Variants in NUP214 observed in about 807,000 individuals in gnomAD.
NUP214 encodes the protein nuclear pore complex protein Nup214.
A neutral mutation model predicts 196.2 loss-of-function variants in NUP214; 79 were observed. That is an observed-to-expected ratio of 0.40 (90% confidence interval 0.34 to 0.49). The LOEUF (loss-of-function observed/expected upper bound fraction) is 0.49. Ranked by LOEUF, NUP214 falls within the 20% of genes least tolerant of loss-of-function variation. The pLI is 0.58. For synonymous variants in NUP214, 1,020 were observed against 990.5 expected (o/e 1.03, Z -0.56); for missense variants, 2,468 against 2,539.0 (o/e 0.97, Z 0.60).
At chr9:131,187,784 A>T (rs1184135200) in intron 25 of NUP214, among the ~76,000 whole-genome samples, 3 of 152,200 alleles carry the variant, frequency 2.0e-5, no homozygotes, top group African/African-American at 7.2e-5. Context: ...CATAAGTCTG[A>T]TAAAGGCCCA....
In NUP214 at chr9:131,197,769, C is replaced by T. The variant is rs1833833048; in HGVS notation, c.4275C>T (p.Ile1425=). ...CCAGTGCAGGATCCTCTGGGGTCAT[C>T]AGTTTTGGTGGGACATCTCTAAGTG... ...PVTSAGSSGV[I]SFGGTSLSAG... The change falls in exon 29 of 36, where the codon ATC becomes ATT. Residue 1425 remains isoleucine (I), a synonymous_variant. Transcript: ENST00000359428. 1 of 1,614,104 alleles carries T rather than the reference C, an allele frequency of 6.2e-7. No homozygotes were observed. The highest frequency in any genetic ancestry group is 1.3e-5 in the African/African-American group (1 of 74,922).
rs1832718847 is a variant in NUP214, at chr9:131,164,117, AC to A, written c.2870del (p.Pro957HisfsTer3). On this transcript the variant is annotated frameshift_variant, in exon 21 of 36. Transcript: ENST00000359428. LOFTEE classifies it high-confidence loss of function. ...QLRNFLAKRK[T>X]PPVRSTAPAS... is the part of the protein sequence containing the mutation. ...GAGAAACTTCTTGGCCAAGAGGAAG[AC>A]CCCACCAGTGAGATCCACTGCTCCA... 3 of 1,613,882 alleles carry A rather than the reference AC, an allele frequency of 1.9e-6. No homozygotes were observed. Among genetic ancestry groups the A allele is most frequent in the Non-Finnish European group, 2.5e-6 (3 of 1,180,010 alleles).
intron 27 of NUP214, chr9:131,193,771 C>G (rs919501445): frequency 1.3e-5 from 2 of 150,322 alleles, no homozygotes; most frequent in African/African-American, 4.9e-5. Context: ...CTTGCCCTAG[C>G]CTCCCAAGTA....
At position 131,197,646 on chromosome 9, in the gene NUP214, G is replaced by A. The variant is rs191753687; in HGVS notation, c.4152G>A (p.Thr1384=). Residue 1384 remains threonine (T), a synonymous_variant, in exon 29 of 36, where the codon ACG becomes ACA. Coordinates refer to ENST00000359428, the MANE Select transcript of NUP214 (RefSeq NM_005085.4). Reference sequence around the variant, plus strand: ...CCCCCCCGGTGTTAGGGAAGCACACGGAGCCCCCTGTGACATCCTCTGCAA... The same window carrying A: ...CCCCCCCGGTGTTAGGGAAGCACACAGAGCCCCCTGTGACATCCTCTGCAA... ...FTAPPVLGKH[T]EPPVTSSATT... 22 of 1,614,074 alleles carry A rather than the reference G, an allele frequency of 1.4e-5. No homozygotes were observed. In the African/African-American group the frequency reaches 1.7e-4, roughly 13 times the overall value.
chr9:131,183,441 T>C (rs577503339), intron 24 of NUP214, among the ~76,000 whole-genome samples: 1 of 152,376 alleles, frequency 6.6e-6, no homozygotes, highest in South Asian at 2.1e-4. Flanking sequence ...TTTATACATA[T>C]AGTTACCATT....
At chr9:131,171,824 A>G (rs931030694) in intron 21 of NUP214, among the ~76,000 whole-genome samples, 14 of 152,030 alleles carry the variant, frequency 9.2e-5, no homozygotes, top group African/African-American at 2.9e-4. Context: ...TGTCCTTGCA[A>G]TATTTTACTG....
chr9:131,163,465 T>A (rs1035012388), intron 19 of NUP214: 1 of 428,078 alleles, frequency 2.3e-6, no homozygotes. Flanking sequence ...AACAGTGTCA[T>A]GGTTTGATTG....
chr9:131,210,093 C>G (rs755901547), intron 30 of NUP214, among the ~76,000 whole-genome samples: 4 of 152,148 alleles, frequency 2.6e-5, no homozygotes, highest in Non-Finnish European at 4.4e-5. Context: ...CTCTCACTCT[C>G]TAGGAAAAGC....
chr9:131,230,688 A>T lies in NUP214; in HGVS notation c.6133A>T (p.Thr2045Ser). Residue 2045 changes from threonine to serine, a missense_variant, in exon 34 of 36, where the codon ACT becomes TCT. Thr to Ser is a moderately conservative substitution (Grantham distance 58). Around this residue, in one of 5 missense-constraint regions of NUP214, gnomAD observed 262 missense variants for 296.5 expected, o/e 0.88. Coordinates refer to ENST00000359428, the MANE Select transcript of NUP214 (RefSeq NM_005085.4). ...FGTLASQNAP[T>S]FGSLSQQTSG... ...CACGCTCGCGAGTCAGAATGCCCCC[A>T]CTTTCGGATCACTGTCCCAACAGAC... 6.2e-7 allele frequency: 1 copy of T among 1,614,046 alleles called. No individual in the cohort carries two copies. The highest frequency in any genetic ancestry group is 8.5e-7 in the Non-Finnish European group (1 of 1,179,980).
intron 26 of NUP214, chr9:131,190,454 G>A (rs1378238128): frequency 1.4e-6 from 1 of 693,126 alleles, no homozygotes; most frequent in Non-Finnish European, 2.6e-6. Flanking sequence ...TTGTTACGAG[G>A]TGTTCACTTC....
chr9:131,203,597 T>C (rs1380822087), intron 30 of NUP214, among the ~76,000 whole-genome samples: 1 of 152,242 alleles, frequency 6.6e-6, no homozygotes, highest in Non-Finnish European at 1.5e-5. Flanking sequence ...ATAGGCTCTG[T>C]CCTAGTCAGT....
chr9:131,224,777 G>A (rs77451774), intron 32 of NUP214, among the ~76,000 whole-genome samples: 1 of 152,188 alleles, frequency 6.6e-6, no homozygotes, highest in Non-Finnish European at 1.5e-5. Flanking sequence ...TACACACACA[G>A]TGCATTGTTT....
Position 131,198,516 on chromosome 9 carries a change from T to G in NUP214, c.5022T>G (p.Phe1674Leu), listed in dbSNP as rs1489703479. ...TATAPSATPV[F>L]GQVAASTAPS... ...CTGCCCCCTCTGCCACGCCCGTGTT[T>G]GGGCAAGTGGCAGCCAGCACCGCAC... Residue 1674 changes from phenylalanine (F) to leucine (L), a missense_variant, in exon 29 of 36, where the codon TTT (phenylalanine) becomes TTG (leucine). Phe to Leu is a conservative substitution (Grantham distance 22, BLOSUM62 0). This residue lies in a region of NUP214 where 1,801 missense variants were observed against 1,779.4 expected (regional missense o/e 1.01). Transcript: ENST00000359428. The G allele has an allele frequency of 1.9e-6, 3 of 1,614,194 alleles. No individual in the cohort carries two copies. In the South Asian group the frequency reaches 3.3e-5, roughly 18 times the overall value.
At chr9:131,157,623 C>G (rs991305552) in intron 17 of NUP214, among the ~76,000 whole-genome samples, 3 of 151,880 alleles carry the variant, frequency 2.0e-5, no homozygotes, top group Non-Finnish European at 4.4e-5. Context: ...CACCACCACT[C>G]CCAGCTAATT....
chr9:131,233,818 C>A lies in NUP214; in HGVS notation c.*331C>A, dbSNP rs992740709. 2 of 421,714 alleles carry A rather than the reference C, an allele frequency of 4.7e-6. No individual in the cohort carries two copies. The highest frequency in any genetic ancestry group is 8.5e-5 in the East Asian group (2 of 23,610). The allele number at this position is 421,714 out of a possible 1,614,324, so 26.1% of individuals were successfully genotyped here. ...AACACTGTGTCTTCAAGGATGGCAT[C>A]AGAAGTCACCAGCGTCGGGTGTTGA... On this transcript the variant is annotated 3_prime_UTR_variant, in exon 36 of 36. Transcript: ENST00000359428.
In NUP214 at chr9:131,197,642, A is replaced by G. The variant is rs774097438; in HGVS notation, c.4148A>G (p.His1383Arg). ...ACTGCCCCCCCGGTGTTAGGGAAGC[A>G]CACGGAGCCCCCTGTGACATCCTCT... ...NFTAPPVLGK[H>R]TEPPVTSSAT... is the part of the protein sequence containing the mutation. The change falls in exon 29 of 36, where the codon CAC becomes CGC. Residue 1383 changes from histidine (H) to arginine (R), a missense_variant. Transcript: ENST00000359428. 1 of 1,614,134 alleles carries G rather than the reference A, an allele frequency of 6.2e-7. No homozygotes were observed. The highest frequency in any genetic ancestry group is 8.5e-7 in the Non-Finnish European group (1 of 1,180,010).
chr9:131,161,987 T>G (rs1832652106), intron 18 of NUP214, among the ~76,000 whole-genome samples: 1 of 152,208 alleles, frequency 6.6e-6, no homozygotes, highest in African/African-American at 2.4e-5. Context: ...TCGTAAACTT[T>G]CTTAAAACAT....
chr9:131,152,996 G>C (rs760530484), intron 17 of NUP214, among the ~76,000 whole-genome samples: 8 of 151,950 alleles, frequency 5.3e-5, no homozygotes, highest in Non-Finnish European at 1.0e-4. Context: ...GGCTGGTCTC[G>C]AACTCCTGAG....
chr9:131,201,921 C>T (rs891185033), intron 30 of NUP214, among the ~76,000 whole-genome samples: 1 of 152,174 alleles, frequency 6.6e-6, no homozygotes, highest in Non-Finnish European at 1.5e-5. Flanking sequence ...TTTTGATCCT[C>T]CTTCCACAGT....
Sources: allele counts gnomAD v4.1 joint callset (sites outside exome capture counted in the v4.1 genomes callset), GRCh38; gene constraint gnomAD v4.1.1; regional missense constraint gnomAD v4.1.1; transcripts MANE v1.5; gene names NCBI Gene and HGNC (gene_info 2026-07-23, HGNC 2026-07-21).